GLDN: variants seen among roughly 807,000 people sequenced by gnomAD.
The protein encoded by GLDN is gliomedin, also known as collomin.
Under a neutral mutation model 56.5 loss-of-function variants are expected in GLDN, and 47 were observed. The observed-to-expected ratio is 0.83, with a 90% CI of 0.66 to 1.06. GLDN has a LOEUF of 1.06. GLDN is among the 50% of genes least tolerant of loss of function. GLDN has a pLI of 0.00. For missense variants in GLDN, 782 were observed against 714.3 expected (o/e 1.09, Z -1.08); for synonymous variants, 332 against 278.8 (o/e 1.19, Z -1.90).
intron 4 of GLDN, among the ~76,000 whole-genome samples, chr15:51,389,552 T>C (rs896219290): frequency 2.0e-5 from 3 of 151,990 alleles, no homozygotes; most frequent in Non-Finnish European, 4.4e-5. Flanking sequence ...GTGCAGAGGA[T>C]CCTATTTGCA....
chr15:51,361,422 T>A (rs2037298043), intron 1 of GLDN, among the ~76,000 whole-genome samples: 1 of 152,188 alleles, frequency 6.6e-6, no homozygotes, highest in African/African-American at 2.4e-5. Flanking sequence ...ATCTGCCAGT[T>A]TCTGAACCTG....
intron 1 of GLDN, among the ~76,000 whole-genome samples, chr15:51,343,527 A>G (rs562215173): frequency 6.6e-6 from 1 of 152,368 alleles, no homozygotes; most frequent in East Asian, 1.9e-4. Flanking sequence ...CTATTCCGTC[A>G]CTAACAAATT....
At chr15:51,358,907 AG>A (rs1399560253) in intron 1 of GLDN, among the ~76,000 whole-genome samples, 2 of 152,184 alleles carry the variant, frequency 1.3e-5, no homozygotes, top group East Asian at 3.8e-4. Context: ...TGTAAACAGG[AG>A]GGCAAATGGA....
chr15:51,406,872 C>G lies in GLDN; in HGVS notation c.*2118C>G, dbSNP rs2038394917. On this transcript the variant is annotated 3_prime_UTR_variant, in exon 10 of 10. Coordinates refer to ENST00000335449, the MANE Select transcript of GLDN (RefSeq NM_181789.4). ...TAACAAAGAGTCTCATGTTCAAGAT[C>G]AATATGTCTAATAAGTGCTGGTGTC... The G allele has an allele frequency of 6.6e-6, 1 of 152,146 alleles. No individual in the cohort carries two copies. Among genetic ancestry groups the G allele is most frequent in the African/African-American group, 2.4e-5 (1 of 41,418 alleles). The allele number at this position is 152,146 out of a possible 1,614,324, so 9.4% of individuals were successfully genotyped here. A position where few individuals can be genotyped will look rare whatever the true frequency, so the allele number is the denominator to read the frequency against.
chr15:51,345,522 A>G (rs2141044435), intron 1 of GLDN, among the ~76,000 whole-genome samples: 2 of 152,376 alleles, frequency 1.3e-5, no homozygotes, highest in Middle Eastern at 6.8e-3. Flanking sequence ...CAAATGATGA[A>G]AAGGCATTTG....
At chr15:51,391,230 G>A (rs893648675) in intron 4 of GLDN, among the ~76,000 whole-genome samples, 3 of 146,496 alleles carry the variant, frequency 2.0e-5, no homozygotes, top group Admixed American at 6.6e-5. Context: ...CTGACCCTGT[G>A]GGGGGCGCAT....
intron 1 of GLDN, among the ~76,000 whole-genome samples, chr15:51,375,381 G>A (rs2037608530): frequency 6.6e-6 from 1 of 152,194 alleles, no homozygotes; most frequent in South Asian, 2.1e-4. Flanking sequence ...TATCTTAAAA[G>A]CAGCAAGAGA....
At chr15:51,359,296 G>A (rs147651194) in intron 1 of GLDN, among the ~76,000 whole-genome samples, 4,357 of 152,248 alleles carry the variant, frequency 0.029, 221 homozygotes, top group African/African-American at 0.1. Context: ...ACAGGGATTA[G>A]GACAATCTTT....
chr15:51,390,859 T>C (rs2038002158), intron 4 of GLDN, among the ~76,000 whole-genome samples: 1 of 152,112 alleles, frequency 6.6e-6, no homozygotes, highest in Admixed American at 6.5e-5. Context: ...ATGTGCCAAC[T>C]CAAAGCCAGC....
chr15:51,350,687 C>A (rs16964276), intron 1 of GLDN, among the ~76,000 whole-genome samples: 13,214 of 152,170 alleles, frequency 0.087, 1,972 homozygotes, highest in African/African-American at 0.3. Flanking sequence ...AATGATGGTG[C>A]ACAAGGAAGA....
In GLDN at chr15:51,346,353, G is replaced by A. The variant is rs182238177; in HGVS notation, c.363+4306G>A. On this transcript the variant is annotated intron_variant, in intron 1 of 9. Coordinates refer to ENST00000335449, the MANE Select transcript of GLDN (RefSeq NM_181789.4). ...TGAATAGATAAACCAATGGGACAGA[G>A]TGGAAAGTTCCGAAATAATCTTAAA... 2.6e-5 allele frequency among the ~76,000 whole-genome samples: 4 copies of A among 152,316 alleles called. No homozygotes were observed. The East Asian group carries it at 7.7e-4, about 29-fold the overall frequency.
intron 4 of GLDN, among the ~76,000 whole-genome samples, chr15:51,388,000 G>C (rs1319668935): frequency 6.6e-6 from 1 of 152,148 alleles, no homozygotes; most frequent in Admixed American, 6.5e-5. Flanking sequence ...CAGGACCTTT[G>C]CACGAGTACT....
chr15:51,370,922 A>C (rs2037503412), intron 1 of GLDN, among the ~76,000 whole-genome samples: 1 of 152,142 alleles, frequency 6.6e-6, no homozygotes. Context: ...AATCTGCCTC[A>C]AGCCGGAGGT....
intron 2 of GLDN, among the ~76,000 whole-genome samples, chr15:51,381,347 C>T (rs1461818196): frequency 6.6e-6 from 1 of 152,144 alleles, no homozygotes; most frequent in Non-Finnish European, 1.5e-5. Flanking sequence ...TCGTCGCGAA[C>T]GATGATTAAT....
rs1025419353 is a variant in GLDN, at chr15:51,405,165, C to T, written c.*411C>T. On this transcript the variant is annotated 3_prime_UTR_variant, in exon 10 of 10. Coordinates refer to ENST00000335449, the MANE Select transcript of GLDN (RefSeq NM_181789.4). ...AAATTTACCTTTGAGTTGATAAGTC[C>T]AGTGGCTTGAGTAGTGAATCCCTCA... 5.1e-6 allele frequency: 1 copy of T among 194,680 alleles called. No homozygotes were observed. The highest frequency in any genetic ancestry group is 2.4e-5 in the African/African-American group (1 of 42,098). The allele number at this position is 194,680 out of a possible 1,614,324, so 12.1% of individuals were successfully genotyped here.
Position 51,342,047 on chromosome 15 carries a change from G to A in GLDN, c.363G>A (p.Pro121=). The A allele has an allele frequency of 6.3e-7, 1 of 1,592,062 alleles. No homozygotes were observed. Among genetic ancestry groups the A allele is most frequent in the South Asian group, 1.1e-5 (1 of 90,216 alleles). Residue 121 remains proline (P), a splice_region_variant and synonymous_variant, in exon 1 of 10, where the codon CCG becomes CCA. Transcript: ENST00000335449. ...TGATGATGACCTACTCCATGGTGCC[G>A]GTAGGCGGGGTCTCTGTTCCCCGTG... ...MLMMMTYSMV[P]IRVMVDLCNS... is the part of the protein sequence containing the mutation.
intron 1 of GLDN, among the ~76,000 whole-genome samples, chr15:51,373,673 G>A (rs2037561771): frequency 6.6e-6 from 1 of 152,204 alleles, no homozygotes; most frequent in Non-Finnish European, 1.5e-5. Context: ...GACCAGCGAC[G>A]AGGCCAGTGC....
intron 3 of GLDN, 100 bp downstream of exon 3, chr15:51,383,553 G>T: frequency 1.5e-6 from 2 of 1,371,658 alleles, no homozygotes; most frequent in Non-Finnish European, 2.1e-6. Flanking sequence ...AGAGCCTGGA[G>T]GCAGTCCTGG....
chr15:51,378,611 A>G (rs1482606635), intron 2 of GLDN, among the ~76,000 whole-genome samples: 1 of 151,872 alleles, frequency 6.6e-6, no homozygotes, highest in Non-Finnish European at 1.5e-5. Context: ...AGAGATTGGC[A>G]GAGAGTGGGG....
Sources: allele counts gnomAD v4.1 joint callset (sites outside exome capture counted in the v4.1 genomes callset), GRCh38; gene constraint gnomAD v4.1.1; transcripts MANE v1.5; gene names NCBI Gene and HGNC (gene_info 2026-07-23, HGNC 2026-07-21).